ATP2B2: variants seen among roughly 807,000 people sequenced by gnomAD.
The protein encoded by ATP2B2 is ATPase plasma membrane Ca2+ transporting 2, also known as plasma membrane calcium-transporting ATPase 2.
ATP2B2 carries 15 observed loss-of-function variants against 120.0 expected under a neutral mutation model. The ratio of observed to expected loss-of-function variants is 0.12; its 90% confidence interval spans 0.08 to 0.19. The LOEUF is 0.19. ATP2B2 is among the 10% of genes least tolerant of loss of function. The pLI is 1.00. For missense variants in ATP2B2, 1,045 were observed against 1,719.8 expected (o/e 0.61, Z 6.94); for synonymous variants, 694 against 700.3 (o/e 0.99, Z 0.14).
intron 1 of ATP2B2, among the ~76,000 whole-genome samples, chr3:10,636,626 C>T (rs1325945682): frequency 2.0e-5 from 3 of 152,138 alleles, no homozygotes; most frequent in Non-Finnish European, 4.4e-5. Context: ...AGTTTGTTTG[C>T]ACGATGCTGG....
In ATP2B2 at chr3:10,621,846, C is replaced by T. The variant is rs564145608; in HGVS notation, c.-459-1885G>A. Among the ~76,000 whole-genome samples the T allele has an allele frequency of 1.6e-4, 24 of 152,346 alleles. 1 individual carries two copies. Among genetic ancestry groups the T allele is most frequent in the African/African-American group, 4.8e-4 (20 of 41,578 alleles). ...GGCACTCACAGCACAGAAGTAACCACGTCAACATGACGATAAGAACAACTA... is the reference window on the plus strand; with the variant it reads ...GGCACTCACAGCACAGAAGTAACCATGTCAACATGACGATAAGAACAACTA... On this transcript the variant is annotated intron_variant, in intron 1 of 21. Transcript: ENST00000646379.
intron 2 of ATP2B2, among the ~76,000 whole-genome samples, chr3:10,549,910 A>C (rs551393218): frequency 1.3e-5 from 2 of 152,354 alleles, no homozygotes; most frequent in East Asian, 3.9e-4. Flanking sequence ...GACCTTACCT[A>C]GTGATGCTAG....
intron 3 of ATP2B2, among the ~76,000 whole-genome samples, chr3:10,524,520 C>A (rs1002065996): frequency 3.3e-5 from 5 of 152,178 alleles, no homozygotes; most frequent in Non-Finnish European, 5.9e-5. Context: ...TGTGCTCTAA[C>A]CATTGTACAG....
Position 10,391,340 on chromosome 3 carries a change from C to T in ATP2B2, c.782-2938G>A, listed in dbSNP as rs559473689. On this transcript the variant is annotated intron_variant, in intron 5 of 22. Transcript: ENST00000360273. ...CCTCCAGGGGCAAGGCCCTCACATT[C>T]TGGTCTGAGACACATTCTGCTCTGA... Among the ~76,000 whole-genome samples, 12 of 152,348 alleles carry T rather than the reference C, an allele frequency of 7.9e-5. No individual in the cohort carries two copies. In the East Asian group the frequency reaches 2.3e-3, roughly 29 times the overall value.
rs143608902 is a variant in ATP2B2, at chr3:10,395,248, G to A, written c.781+5705C>T. Among the ~76,000 whole-genome samples, 294 of 152,344 alleles carry A rather than the reference G, an allele frequency of 1.9e-3. 2 individuals carry two copies. Among genetic ancestry groups the A allele is most frequent in the African/African-American group, 6.8e-3 (283 of 41,584 alleles). ...CTTTCCATGAAGACAATGAAAAGAT[G>A]AGGCGCTGCTCCATGCAGGAGACCA... On this transcript the variant is annotated intron_variant, in intron 5 of 22. Transcript: ENST00000360273.
At position 10,329,488 on chromosome 3, in the gene ATP2B2, G is replaced by C. The variant is rs1031773219; in HGVS notation, c.3421-363C>G. ...GAGCCTTGTTCACTTTAAAGCAGAG[G>C]TTCAACCATGCAGACAGGGAGGAGG... On this transcript the variant is annotated intron_variant, in intron 22 of 22. Coordinates refer to ENST00000360273, the MANE Select transcript of ATP2B2 (RefSeq NM_001001331.4). The surrounding 1 kb of genome is among the most constrained non-coding windows in gnomAD (Gnocchi z 5.9). Among the ~76,000 whole-genome samples, 1 of 152,080 alleles carries C rather than the reference G, an allele frequency of 6.6e-6. No homozygotes were observed. The highest frequency in any genetic ancestry group is 1.5e-5 in the Non-Finnish European group (1 of 68,022).
chr3:10,536,957 A>G lies in ATP2B2; in HGVS notation c.-414-2824T>C, dbSNP rs193037783. Among the ~76,000 whole-genome samples the G allele has an allele frequency of 2.0e-5, 3 of 152,244 alleles. No individual in the cohort carries two copies. In the East Asian group the frequency reaches 5.8e-4, roughly 29 times the overall value. On this transcript the variant is annotated intron_variant, in intron 2 of 21. Coordinates refer to the ATP2B2 transcript ENST00000646379. ...ATTATCATTTTCATTATTTTTTCCT[A>G]CGGATGTCCAATTGCTCTAGCACCA... is the stretch of plus-strand genomic sequence containing the variant.
At chr3:10,669,773 C>T (rs915814392) in intron 1 of ATP2B2, among the ~76,000 whole-genome samples, 6 of 152,250 alleles carry the variant, frequency 3.9e-5, no homozygotes, top group Admixed American at 2.0e-4. Context: ...CACCCCCACC[C>T]CCCAGAGACA....
intron 1 of ATP2B2, among the ~76,000 whole-genome samples, chr3:10,489,647 C>T (rs2065860225): frequency 6.6e-6 from 1 of 152,160 alleles, no homozygotes; most frequent in Admixed American, 6.5e-5. Context: ...CATGCCTCCC[C>T]TCTCCCTGCC....
At chr3:10,622,781 C>T (rs1208699871) in intron 1 of ATP2B2, among the ~76,000 whole-genome samples, 2 of 152,212 alleles carry the variant, frequency 1.3e-5, no homozygotes, top group Non-Finnish European at 2.9e-5. Flanking sequence ...TGAGCCACTG[C>T]CCCAGAAGAG....
At chr3:10,390,893 G>A (rs2061829175) in intron 5 of ATP2B2, among the ~76,000 whole-genome samples, 2 of 152,198 alleles carry the variant, frequency 1.3e-5, no homozygotes, top group South Asian at 2.1e-4. Flanking sequence ...CTGAGGGCCA[G>A]TAACAGGGCC....
intron 2 of ATP2B2, among the ~76,000 whole-genome samples, chr3:10,599,206 C>T (rs772448013): frequency 2.6e-5 from 4 of 152,360 alleles, no homozygotes; most frequent in East Asian, 1.9e-4. Flanking sequence ...TAGCTACCCA[C>T]GGCCTTCAGA....
At chr3:10,537,167 T>C (rs946003424) in intron 2 of ATP2B2, among the ~76,000 whole-genome samples, 1 of 152,220 alleles carries the variant, frequency 6.6e-6, no homozygotes, top group Non-Finnish European at 1.5e-5. Context: ...TCAGATAAAC[T>C]GATTCTTCAT....
chr3:10,667,350 T>C (rs931700207), intron 1 of ATP2B2, among the ~76,000 whole-genome samples: 1 of 152,184 alleles, frequency 6.6e-6, no homozygotes, highest in African/African-American at 2.4e-5. Flanking sequence ...ATATTATGTC[T>C]TTGGGTGATT....
chr3:10,628,387 C>T (rs569655527), intron 1 of ATP2B2, among the ~76,000 whole-genome samples: 2 of 150,448 alleles, frequency 1.3e-5, no homozygotes, highest in African/African-American at 5.0e-5. Flanking sequence ...GAGTGAACAG[C>T]AGCCAGGAGC....
At chr3:10,536,153 A>C (rs1240980045) in intron 2 of ATP2B2, among the ~76,000 whole-genome samples, 1 of 152,052 alleles carries the variant, frequency 6.6e-6, no homozygotes, top group Non-Finnish European at 1.5e-5. Context: ...TCACGTGCTT[A>C]TTTGTCATCT....
intron 1 of ATP2B2, among the ~76,000 whole-genome samples, chr3:10,481,310 C>A (rs34883): frequency 1.3e-5 from 2 of 151,690 alleles, no homozygotes; most frequent in Admixed American, 6.6e-5. Flanking sequence ...TCACCCCACC[C>A]CCTCTCTTTT....
intron 1 of ATP2B2, among the ~76,000 whole-genome samples, chr3:10,475,504 G>A (rs1180244921): frequency 6.6e-6 from 1 of 152,200 alleles, no homozygotes; most frequent in Non-Finnish European, 1.5e-5. Context: ...GCACGGATTG[G>A]GGTTAGGCAG....
chr3:10,526,140 A>G (rs2067086638), intron 3 of ATP2B2, among the ~76,000 whole-genome samples: 1 of 152,202 alleles, frequency 6.6e-6, no homozygotes, highest in Non-Finnish European at 1.5e-5. Context: ...CAGGTGTGTG[A>G]GCCTTCCTTC....
Sources: gnomAD v4.1 joint callset for allele counts (sites outside exome capture counted in the v4.1 genomes callset) on GRCh38, gnomAD v4.1.1 for gene constraint, Gnocchi (gnomAD v3.1) non-coding constraint, MANE v1.5 for transcripts, NCBI Gene and HGNC (gene_info 2026-07-23, HGNC 2026-07-21) for gene names.